COMMD10: variants seen among roughly 807,000 people sequenced by gnomAD.
COMMD10 encodes COMM domain-containing protein 10.
In COMMD10, 33 loss-of-function variants were observed where a neutral mutation model predicts 28.9. The ratio of observed to expected loss-of-function variants is 1.14; its 90% CI spans 0.87 to 1.53. The LOEUF (loss-of-function observed/expected upper bound fraction) is 1.53. Among genes scored for constraint, COMMD10 ranks in the 40% most tolerant of loss-of-function variants. The probability of loss-of-function intolerance (pLI) is 0.00; values close to 1 mark genes in which losing one functional copy is unlikely to be tolerated. For missense variants in COMMD10, 310 were observed against 233.4 expected (o/e 1.33, Z -2.14); for synonymous variants, 110 against 81.7 (o/e 1.35, Z -1.87).
chr5:116,262,683 A>G lies in COMMD10; in HGVS notation c.511-28834A>G, dbSNP rs113568671. 8.7e-3 allele frequency among the ~76,000 whole-genome samples: 1,325 copies of G among 151,984 alleles called. 11 individuals are homozygous for G. Among genetic ancestry groups the G allele is most frequent in the Non-Finnish European group, 0.014 (978 of 67,994 alleles). On this transcript the variant is annotated intron_variant, in intron 5 of 6. Transcript: ENST00000274458. Reference sequence around the variant, plus strand: ...ATTTTCAGTCTGAAGTGAGCTGCAGATACAATGCCTAAGCATTTTGTCCTT... The same window carrying G: ...ATTTTCAGTCTGAAGTGAGCTGCAGGTACAATGCCTAAGCATTTTGTCCTT...
intron 4 of COMMD10, among the ~76,000 whole-genome samples, chr5:116,096,708 G>A (rs1425397145): frequency 6.6e-6 from 1 of 152,048 alleles, no homozygotes; most frequent in Non-Finnish European, 1.5e-5. Context: ...TAAGTAGGAT[G>A]TTAGAAAATG....
At chr5:116,273,035 A>G (rs1561403428) in intron 5 of COMMD10, among the ~76,000 whole-genome samples, 1 of 151,866 alleles carries the variant, frequency 6.6e-6, no homozygotes. Flanking sequence ...TTTATAAAAC[A>G]TCAATGATTT....
intron 5 of COMMD10, among the ~76,000 whole-genome samples, chr5:116,245,853 C>A (rs1749938454): frequency 6.6e-6 from 1 of 151,898 alleles, no homozygotes; most frequent in South Asian, 2.1e-4. Flanking sequence ...TGAGAGTCTT[C>A]TATGACAAAC....
chr5:116,127,774 C>T (rs377081085), intron 4 of COMMD10, among the ~76,000 whole-genome samples: 2 of 151,774 alleles, frequency 1.3e-5, no homozygotes, highest in Admixed American at 6.6e-5. Flanking sequence ...TGGGGCCTGT[C>T]TTGTGGTGGG....
At chr5:116,085,332 T>G in intron 1 of COMMD10, 1 of 554,016 alleles carries the variant, frequency 1.8e-6, no homozygotes, top group South Asian at 2.2e-5. Context: ...GCAGCTGAGG[T>G]CTGTACGGAA....
chr5:116,271,491 T>C (rs1258052670), intron 5 of COMMD10, among the ~76,000 whole-genome samples: 1 of 151,646 alleles, frequency 6.6e-6, no homozygotes, highest in African/African-American at 2.4e-5. Context: ...TTCTATTATG[T>C]AAGTATAAGT....
At chr5:116,094,176 A>G (rs1750395232) in intron 4 of COMMD10, among the ~76,000 whole-genome samples, 1 of 152,208 alleles carries the variant, frequency 6.6e-6, no homozygotes, top group Non-Finnish European at 1.5e-5. Flanking sequence ...AAATGGAACT[A>G]TATTAAACTA....
intron 6 of COMMD10, 53 bp downstream of exon 6, chr5:116,291,629 T>G: frequency 8.7e-6 from 9 of 1,029,144 alleles, no homozygotes; most frequent in Non-Finnish European, 1.3e-5. Context: ...TCATAATATT[T>G]TGTTTCATTT....
chr5:116,273,981 A>G (rs549705596), intron 5 of COMMD10, among the ~76,000 whole-genome samples: 1 of 151,744 alleles, frequency 6.6e-6, no homozygotes, highest in African/African-American at 2.4e-5. Flanking sequence ...GTCATTACTA[A>G]TGTCATAAAA....
At chr5:116,093,735 A>C (rs1309438104) in intron 4 of COMMD10, among the ~76,000 whole-genome samples, 2 of 152,240 alleles carry the variant, frequency 1.3e-5, no homozygotes, top group African/African-American at 4.8e-5. Flanking sequence ...CTAAGCAAAA[A>C]GAACAAAGCT....
At chr5:116,243,375 C>A (rs1749862864) in intron 5 of COMMD10, among the ~76,000 whole-genome samples, 1 of 152,084 alleles carries the variant, frequency 6.6e-6, no homozygotes, top group Admixed American at 6.6e-5. Context: ...GAGTATCTTA[C>A]ATCCACTGCC....
intron 5 of COMMD10, among the ~76,000 whole-genome samples, chr5:116,221,045 A>C (rs1215394859): frequency 2.6e-5 from 4 of 151,370 alleles, no homozygotes; most frequent in African/African-American, 9.7e-5. Context: ...AACAACTTGA[A>C]CATTATGAAA....
rs372485092 is a variant in COMMD10 at position 116,264,794 on chromosome 5, G to A, written c.511-26723G>A. On this transcript the variant is annotated intron_variant, in intron 5 of 6. Transcript: ENST00000274458. ...GAGCTCCTTGAAAAATAGATGTCAT[G>A]TAAATGCAAAGTACGGTCAGTTCTT... Among the ~76,000 whole-genome samples the A allele has an allele frequency of 3.9e-5, 6 of 151,958 alleles. No individual in the cohort carries two copies. The East Asian group carries it at 9.7e-4, about 24-fold the overall frequency.
At chr5:116,088,950 T>A (rs1204617429) in intron 2 of COMMD10, among the ~76,000 whole-genome samples, 1 of 152,226 alleles carries the variant, frequency 6.6e-6, no homozygotes, top group Non-Finnish European at 1.5e-5. Flanking sequence ...AATACATTGC[T>A]ACTAGTATAG....
intron 5 of COMMD10, among the ~76,000 whole-genome samples, chr5:116,166,325 A>G (rs911837158): frequency 1.3e-5 from 2 of 152,068 alleles, no homozygotes; most frequent in Admixed American, 6.6e-5. Flanking sequence ...CAAGTATAAG[A>G]CTCTAAGTAG....
At chr5:116,200,861 A>C (rs527585559) in intron 5 of COMMD10, among the ~76,000 whole-genome samples, 1 of 151,948 alleles carries the variant, frequency 6.6e-6, no homozygotes, top group Non-Finnish European at 1.5e-5. Context: ...TAAATTCCTG[A>C]TCTTATGATT....
chr5:116,205,066 C>T (rs1055323300), intron 5 of COMMD10, among the ~76,000 whole-genome samples: 2 of 152,118 alleles, frequency 1.3e-5, no homozygotes, highest in African/African-American at 4.8e-5. Flanking sequence ...TCCAGCCGCT[C>T]TTTATTTTAT....
At chr5:116,277,640 A>C (rs1750955612) in intron 5 of COMMD10, among the ~76,000 whole-genome samples, 1 of 151,924 alleles carries the variant, frequency 6.6e-6, no homozygotes, top group Admixed American at 6.6e-5. Context: ...AACTTGAGGT[A>C]AATGCTGAAC....
intron 5 of COMMD10, among the ~76,000 whole-genome samples, chr5:116,213,418 G>A (rs1215290262): frequency 6.6e-6 from 1 of 152,046 alleles, no homozygotes; most frequent in African/African-American, 2.4e-5. Context: ...TCTGGGTCAT[G>A]GTAAAAATAA....
Sources: allele counts gnomAD v4.1 joint callset (sites outside exome capture counted in the v4.1 genomes callset), GRCh38; gene constraint gnomAD v4.1.1; transcripts MANE v1.5; gene names NCBI Gene and HGNC (gene_info 2026-07-23, HGNC 2026-07-21).